Variants in TLK1 observed in about 807,000 individuals in gnomAD.
TLK1 encodes the protein serine/threonine-protein kinase tousled-like 1.
In TLK1, 24 loss-of-function variants were observed where a neutral mutation model predicts 105.3. That is an observed-to-expected ratio of 0.23 (90% CI 0.17 to 0.32). The LOEUF is 0.32. Ranked by LOEUF, TLK1 falls within the 10% of genes least tolerant of loss-of-function variation. The pLI is 1.00. For synonymous variants in TLK1, 321 were observed against 310.4 expected (o/e 1.03, Z -0.36); for missense variants, 558 against 910.5 (o/e 0.61, Z 4.98).
chr2:171,124,730 T>C (rs1426507426), intron 1 of TLK1, among the ~76,000 whole-genome samples: 1 of 152,236 alleles, frequency 6.6e-6, no homozygotes, highest in African/African-American at 2.4e-5. Context: ...ATGTATTCTA[T>C]CACCACCGCT....
intron 2 of TLK1, among the ~76,000 whole-genome samples, chr2:171,105,213 C>G (rs1416981838): frequency 6.6e-6 from 1 of 152,146 alleles, no homozygotes; most frequent in Admixed American, 6.5e-5. Context: ...AGTGAAGATA[C>G]AACCTGCAAG....
chr2:171,183,503 T>G (rs978379495), intron 1 of TLK1, among the ~76,000 whole-genome samples: 1 of 152,168 alleles, frequency 6.6e-6, no homozygotes, highest in African/African-American at 2.4e-5. Context: ...CTTTCCTATC[T>G]GGTTGGTTTT....
chr2:171,018,674 T>A (rs1269091692), intron 12 of TLK1, among the ~76,000 whole-genome samples: 2 of 152,104 alleles, frequency 1.3e-5, no homozygotes, highest in Non-Finnish European at 2.9e-5. Context: ...GCCAGACGAG[T>A]AGACTGAAAG....
intron 1 of TLK1, among the ~76,000 whole-genome samples, chr2:171,175,968 C>T (rs1692814273): frequency 1.3e-5 from 2 of 151,884 alleles, no homozygotes; most frequent in Non-Finnish European, 2.9e-5. Context: ...CGGAGTTTCA[C>T]TCTTGTTGCC....
chr2:171,030,249 T>C (rs755727894), intron 11 of TLK1, among the ~76,000 whole-genome samples: 14 of 152,172 alleles, frequency 9.2e-5, no homozygotes, highest in Non-Finnish European at 1.6e-4. Flanking sequence ...AAAAAAGGAG[T>C]ATTCAAAGGA....
chr2:171,205,733 G>A (rs1693494294), intron 1 of TLK1, among the ~76,000 whole-genome samples: 1 of 152,218 alleles, frequency 6.6e-6, no homozygotes, highest in African/African-American at 2.4e-5. Context: ...CTTGGTAACA[G>A]CTGTCCATTC....
chr2:171,200,372 T>C (rs765236802), intron 1 of TLK1, among the ~76,000 whole-genome samples: 9 of 152,178 alleles, frequency 5.9e-5, no homozygotes, highest in Non-Finnish European at 1.0e-4. Flanking sequence ...GCAACAACAA[T>C]GGTTTGGAAT....
chr2:171,166,326 T>C (rs1447656735), intron 1 of TLK1, among the ~76,000 whole-genome samples: 3 of 152,220 alleles, frequency 2.0e-5, no homozygotes, highest in Non-Finnish European at 4.4e-5. Flanking sequence ...TGGCATACAG[T>C]TGTGGAGCCA....
At chr2:171,128,265 TCTTA>T (rs1190681028) in intron 1 of TLK1, among the ~76,000 whole-genome samples, 3 of 152,286 alleles carry the variant, frequency 2.0e-5, no homozygotes, top group Non-Finnish European at 2.9e-5. Flanking sequence ...TCAATTTTAT[TCTTA>T]CTAATAAAAA....
intron 1 of TLK1, among the ~76,000 whole-genome samples, chr2:171,226,456 T>C (rs533872759): frequency 2.0e-5 from 3 of 152,074 alleles, no homozygotes; most frequent in Non-Finnish European, 4.4e-5. Flanking sequence ...GAAAACCCCA[T>C]AAGAAACAGG....
intron 1 of TLK1, among the ~76,000 whole-genome samples, chr2:171,221,612 G>C (rs934681559): frequency 6.6e-6 from 1 of 152,032 alleles, no homozygotes; most frequent in Non-Finnish European, 1.5e-5. Flanking sequence ...CTCAGCTCAG[G>C]CTGCCTTAAC....
intron 3 of TLK1, among the ~76,000 whole-genome samples, chr2:171,067,687 C>T (rs1370913333): frequency 2.0e-5 from 3 of 151,986 alleles, no homozygotes; most frequent in Non-Finnish European, 2.9e-5. Flanking sequence ...TAGGTATACA[C>T]GTGCCAAGGT....
chr2:171,157,201 T>C (rs1692272093), intron 1 of TLK1, among the ~76,000 whole-genome samples: 1 of 152,206 alleles, frequency 6.6e-6, no homozygotes, highest in Non-Finnish European at 1.5e-5. Context: ...AATGCAAGTG[T>C]TCTATATAAT....
intron 10 of TLK1, among the ~76,000 whole-genome samples, chr2:171,048,951 C>T (rs968769733): frequency 2.0e-5 from 3 of 152,146 alleles, no homozygotes; most frequent in Non-Finnish European, 2.9e-5. Flanking sequence ...CCAATAAATC[C>T]TTTTCTACCA....
At position 171,046,168 on chromosome 2, in the gene TLK1, G is replaced by A; in HGVS notation, c.1169+6C>T. The stretch of plus-strand genomic sequence containing the variant: ...TAAAAAAGAAAAATTTTAAATGGAG[G>A]CTTACAGTTGTGGTAAATTTGGTCT... On this transcript the variant is annotated splice_donor_region_variant and intron_variant, in intron 11 of 20. Transcript: ENST00000431350. 1 of 1,544,730 alleles carries A rather than the reference G, an allele frequency of 6.5e-7. No homozygotes were observed. The highest frequency in any genetic ancestry group is 8.7e-7 in the Non-Finnish European group (1 of 1,149,504).
intron 2 of TLK1, among the ~76,000 whole-genome samples, chr2:171,097,665 C>G (rs1689505700): frequency 6.6e-6 from 1 of 152,160 alleles, no homozygotes; most frequent in African/African-American, 2.4e-5. Context: ...TGGCTCACAT[C>G]TGTAATCCCA....
chr2:171,011,339 T>C, intron 14 of TLK1, 34 bp downstream of exon 14: 2 of 1,558,674 alleles, frequency 1.3e-6, no homozygotes, highest in South Asian at 2.3e-5. Flanking sequence ...CTTGCTACAT[T>C]AGTGTAAAAA....
intron 1 of TLK1, among the ~76,000 whole-genome samples, chr2:171,129,793 C>T (rs1408190736): frequency 2.0e-5 from 3 of 151,826 alleles, no homozygotes; most frequent in East Asian, 3.9e-4. Flanking sequence ...TGAAATGCTG[C>T]CACCGCACTC....
chr2:171,162,152 T>G (rs541041112), upstream of TLK1, among the ~76,000 whole-genome samples: 1 of 152,320 alleles, frequency 6.6e-6, no homozygotes, highest in South Asian at 2.1e-4. Flanking sequence ...TTCAGTGAGT[T>G]TTTAGTCTTG....
Sources: gnomAD v4.1 joint callset for allele counts (sites outside exome capture counted in the v4.1 genomes callset) on GRCh38, gnomAD v4.1.1 for gene constraint, MANE v1.5 for transcripts, NCBI Gene and HGNC (gene_info 2026-07-23, HGNC 2026-07-21) for gene names.